SDCCAG8: variants seen among roughly 807,000 people sequenced by gnomAD.
SDCCAG8 encodes serologically defined colon cancer antigen 8.
In SDCCAG8, 74 loss-of-function variants were observed where a neutral mutation model predicts 101.8. The ratio of observed to expected loss-of-function variants is 0.73; its 90% CI spans 0.60 to 0.88. The LOEUF (loss-of-function observed/expected upper bound fraction) is 0.88, where lower values mean the gene tolerates loss of function less well. Ranked by LOEUF, SDCCAG8 falls within the 40% of genes least tolerant of loss-of-function variation. The pLI is 0.00. For missense variants in SDCCAG8, 787 were observed against 822.6 expected (o/e 0.96, Z 0.53); for synonymous variants, 281 against 292.9 (o/e 0.96, Z 0.41).
intron 17 of SDCCAG8, among the ~76,000 whole-genome samples, chr1:243,495,017 T>A (rs1436203868): frequency 6.6e-6 from 1 of 152,236 alleles, no homozygotes; most frequent in African/African-American, 2.4e-5. Context: ...ATTCTTAAAA[T>A]CTATTTACCA....
intron 11 of SDCCAG8, among the ~76,000 whole-genome samples, chr1:243,342,326 G>A (rs1016991032): frequency 2.0e-5 from 3 of 152,196 alleles, no homozygotes; most frequent in African/African-American, 7.2e-5. Context: ...CATCAGAAGA[G>A]CGATTAGACT....
intron 16 of SDCCAG8, among the ~76,000 whole-genome samples, chr1:243,479,710 C>T (rs1484274124): frequency 1.3e-5 from 2 of 152,298 alleles, no homozygotes; most frequent in Non-Finnish European, 2.9e-5. Context: ...CTTAAGTTCT[C>T]ATGACTGACG....
intron 16 of SDCCAG8, among the ~76,000 whole-genome samples, chr1:243,431,344 G>A (rs1443757143): frequency 1.3e-5 from 2 of 152,148 alleles, no homozygotes; most frequent in South Asian, 4.1e-4. Context: ...TACTTGATTG[G>A]CAGTGCTGGG....
intron 1 of SDCCAG8, chr1:243,267,463 G>T: frequency 3.0e-6 from 1 of 332,314 alleles, no homozygotes; most frequent in Non-Finnish European, 5.8e-6. Flanking sequence ...TTAGCCGGGC[G>T]TGGTGACAGG....
At chr1:243,494,026 C>A (rs944713492) in intron 17 of SDCCAG8, among the ~76,000 whole-genome samples, 3 of 152,116 alleles carry the variant, frequency 2.0e-5, no homozygotes, top group African/African-American at 7.2e-5. Context: ...GTGGTCCTTC[C>A]AGGAGCCCTG....
intron 16 of SDCCAG8, among the ~76,000 whole-genome samples, chr1:243,447,161 G>T (rs2148115104): frequency 7.3e-6 from 1 of 137,832 alleles, no homozygotes; most frequent in South Asian, 2.4e-4. Context: ...TGACAGGAGA[G>T]TCACTTGAAT....
intron 12 of SDCCAG8, among the ~76,000 whole-genome samples, chr1:243,349,574 C>T (rs2075965579): frequency 6.6e-6 from 1 of 152,162 alleles, no homozygotes; most frequent in African/African-American, 2.4e-5. Context: ...ACCCATGTAT[C>T]TTAAATAATA....
Position 243,256,197 on chromosome 1 carries a change from T to C in SDCCAG8, c.24T>C (p.Ser8=). 4 of 1,614,196 alleles carry C rather than the reference T, an allele frequency of 2.5e-6. No individual in the cohort carries two copies. Among genetic ancestry groups the C allele is most frequent in the Non-Finnish European group, 3.4e-6 (4 of 1,180,010 alleles). The change falls in exon 1 of 18, where the codon TCT becomes TCC. Residue 8 remains serine, a synonymous_variant. Transcript: ENST00000366541. The part of the protein sequence containing the change: MAKSPEN[S]TLEEILGQYQ... ...GCATGGCGAAGTCCCCGGAGAACTC[T>C]ACCCTGGAGGAGATTCTGGGGCAGT...
At chr1:243,260,412 TGC>T (rs1297049396) in intron 1 of SDCCAG8, among the ~76,000 whole-genome samples, 1 of 152,166 alleles carries the variant, frequency 6.6e-6, no homozygotes, top group Non-Finnish European at 1.5e-5. Context: ...AGATAGCACA[TGC>T]GCCTTCTCTA....
intron 4 of SDCCAG8, among the ~76,000 whole-genome samples, chr1:243,284,339 T>A (rs1241130124): frequency 6.6e-6 from 1 of 152,254 alleles, no homozygotes; most frequent in African/African-American, 2.4e-5. Context: ...TTCTGTTGTC[T>A]ATGGATTACC....
chr1:243,472,632 C>A (rs1489613342), intron 16 of SDCCAG8, among the ~76,000 whole-genome samples: 1 of 152,204 alleles, frequency 6.6e-6, no homozygotes, highest in African/African-American at 2.4e-5. Context: ...CAGCTTCCCT[C>A]AAAGGTACTT....
chr1:243,447,248 C>CAA (rs397830130), intron 16 of SDCCAG8, among the ~76,000 whole-genome samples: 747 of 41,326 alleles, frequency 0.018, 116 homozygotes, highest in African/African-American at 0.036. Context: ...GACTTCGTCT[C>CAA]AAAAAAAAAA....
intron 12 of SDCCAG8, among the ~76,000 whole-genome samples, chr1:243,374,326 A>C (rs2077469395): frequency 6.6e-6 from 1 of 152,146 alleles, no homozygotes; most frequent in Admixed American, 6.6e-5. Context: ...ATAAGCCTTC[A>C]GATTGAAAAG....
chr1:243,464,727 C>G (rs553557118), intron 16 of SDCCAG8, among the ~76,000 whole-genome samples: 1 of 152,286 alleles, frequency 6.6e-6, no homozygotes, highest in South Asian at 2.1e-4. Flanking sequence ...GGACAATAAA[C>G]AAGAAGTCGA....
At chr1:243,440,739 G>C (rs1368053585) in intron 16 of SDCCAG8, among the ~76,000 whole-genome samples, 5 of 152,180 alleles carry the variant, frequency 3.3e-5, no homozygotes, top group Non-Finnish European at 1.5e-5. Flanking sequence ...AATAACTTCT[G>C]AGGTGATTAC....
chr1:243,312,042 A>G (rs2072774853), intron 8 of SDCCAG8, among the ~76,000 whole-genome samples: 1 of 152,234 alleles, frequency 6.6e-6, no homozygotes, highest in Non-Finnish European at 1.5e-5. Flanking sequence ...CATTAATGAC[A>G]GAAAGGATAT....
intron 16 of SDCCAG8, among the ~76,000 whole-genome samples, chr1:243,486,243 A>G (rs1166125208): frequency 1.3e-5 from 2 of 149,680 alleles, no homozygotes; most frequent in Non-Finnish European, 3.0e-5. Flanking sequence ...TCTTTTCCCA[A>G]TATTTGTAAT....
At chr1:243,307,753 C>A (rs1044556713) in intron 7 of SDCCAG8, 2 of 1,415,044 alleles carry the variant, frequency 1.4e-6, no homozygotes, top group Non-Finnish European at 1.8e-6. Flanking sequence ...TAAAATCTTA[C>A]AAGAACCTAA....
rs374783667 is a variant in SDCCAG8, at chr1:243,424,944, A to G, written c.1854-1483A>G. ...TTTTTCTTCTTTTGAAATTTATTTT[A>G]GTGCATGGTATGATAGGAGATACTA... On this transcript the variant is annotated intron_variant, in intron 15 of 17. Coordinates refer to ENST00000366541, the MANE Select transcript of SDCCAG8 (RefSeq NM_006642.5). Among the ~76,000 whole-genome samples, 18 of 151,948 alleles carry G rather than the reference A, an allele frequency of 1.2e-4. No homozygotes were observed. The South Asian group carries it at 3.7e-3, about 32-fold the overall frequency.
Sources: allele counts gnomAD v4.1 joint callset (sites outside exome capture counted in the v4.1 genomes callset), GRCh38; gene constraint gnomAD v4.1.1; transcripts MANE v1.5; gene names NCBI Gene and HGNC (gene_info 2026-07-23, HGNC 2026-07-21).